The following TUBA4B variants were observed in gnomAD, a reference collection of about 807,000 sequenced individuals.
TUBA4B encodes the protein tubulin alpha 4b.
In TUBA4B, 13 loss-of-function variants were observed where a neutral mutation model predicts 18.4. The observed-to-expected ratio is 0.71, with a 90% CI of 0.46 to 1.12. The LOEUF (loss-of-function observed/expected upper bound fraction) is 1.12, where lower values mean the gene tolerates loss of function less well. Among genes scored for constraint, TUBA4B ranks in the 50% most tolerant of loss-of-function variants. The pLI, the probability that TUBA4B is intolerant of heterozygous loss-of-function variation, is 0.00. For synonymous variants in TUBA4B, 101 were observed against 99.1 expected (o/e 1.02, Z -0.11); for missense variants, 244 against 250.0 (o/e 0.98, Z 0.16).
Position 219,271,601 on chromosome 2 carries a change from C to T in TUBA4B, c.628C>T (p.Pro210Ser), listed in dbSNP as rs1951826780. 3 of 1,614,174 alleles carry T rather than the reference C, an allele frequency of 1.9e-6. No individual in the cohort carries two copies. The highest frequency in any genetic ancestry group is 2.5e-6 in the Non-Finnish European group (3 of 1,180,006). ...SYLTSTSPWP[P>S]MHQSSLQKRY... ...CCTCACATCCACTTCCCCCTGGCCA[C>T]CTATGCACCAGTCATCTCTGCAGAA... Residue 210 changes from proline (P) to serine (S), a missense_variant, in exon 4 of 4, where the codon CCT (proline) becomes TCT (serine). Transcript: ENST00000490341.
chr2:219,256,207 C>T (rs377733388), intron 1 of TUBA4B, among the ~76,000 whole-genome samples: 3 of 152,130 alleles, frequency 2.0e-5, no homozygotes, highest in Non-Finnish European at 2.9e-5. Context: ...TTTGTAAAAC[C>T]GGGATAACAA....
intron 1 of TUBA4B, among the ~76,000 whole-genome samples, chr2:219,260,374 T>G (rs1463038389): frequency 6.6e-6 from 1 of 152,198 alleles, no homozygotes; most frequent in Non-Finnish European, 1.5e-5. Flanking sequence ...AATTTTGGAA[T>G]TATTTTAAAA....
At chr2:219,257,112 C>T (rs1432659253) in intron 1 of TUBA4B, among the ~76,000 whole-genome samples, 3 of 144,186 alleles carry the variant, frequency 2.1e-5, no homozygotes, top group South Asian at 4.5e-4. Context: ...GGCGCGATCT[C>T]GGCTCACTGC....
At chr2:219,265,249 T>G (rs1432721926) in intron 1 of TUBA4B, among the ~76,000 whole-genome samples, 1 of 152,224 alleles carries the variant, frequency 6.6e-6, no homozygotes, top group Non-Finnish European at 1.5e-5. Context: ...GGATTTCAAT[T>G]TCCTTTCCTT....
intron 2 of TUBA4B, 60 bp from the exon 3 acceptor site, chr2:219,270,142 C>T (rs775551066): frequency 1.5e-6 from 1 of 688,002 alleles, no homozygotes; most frequent in Non-Finnish European, 2.7e-6. Flanking sequence ...GCTCCAGCAG[C>T]TGGATTGCAA....
intron 1 of TUBA4B, 101 bp from the exon 2 acceptor site, chr2:219,266,420 A>G: frequency 1.6e-6 from 1 of 633,594 alleles, no homozygotes; most frequent in Admixed American, 2.5e-5. Flanking sequence ...GGCCGTTTCT[A>G]ACAACATCCA....
rs187344604 is a variant in TUBA4B, at chr2:219,264,802, C to T, written c.13-1719C>T. 3.0e-3 allele frequency among the ~76,000 whole-genome samples: 462 copies of T among 152,270 alleles called. 1 individual carries two copies. Among genetic ancestry groups the T allele is most frequent in the Non-Finnish European group, 4.8e-3 (327 of 68,024 alleles). ...TTTAATATTTTCAGACTGTGGTTGG[C>T]TGCAGGCAACTGAAACTGCAGAAAG... On this transcript the variant is annotated intron_variant, in intron 1 of 3. Coordinates refer to ENST00000490341, the MANE Select transcript of TUBA4B (RefSeq NM_001355221.1).
intron 1 of TUBA4B, among the ~76,000 whole-genome samples, chr2:219,260,004 C>T (rs987664181): frequency 6.6e-6 from 1 of 152,236 alleles, no homozygotes; most frequent in Admixed American, 6.5e-5. Context: ...CCACACATCT[C>T]CATCTTCATC....
At chr2:219,256,152 AGG>A (rs1951718193) in intron 1 of TUBA4B, among the ~76,000 whole-genome samples, 1 of 152,232 alleles carries the variant, frequency 6.6e-6, no homozygotes, top group South Asian at 2.1e-4. Context: ...GAGCTATCTT[AGG>A]AAAAACTCTA....
intron 1 of TUBA4B, among the ~76,000 whole-genome samples, chr2:219,262,134 A>C (rs1559280415): frequency 1.3e-5 from 2 of 152,032 alleles, no homozygotes; most frequent in Admixed American, 6.6e-5. Flanking sequence ...ACATGGTGAA[A>C]CCCCATCTCT....
At chr2:219,257,635 C>A (rs1171958070) in intron 1 of TUBA4B, among the ~76,000 whole-genome samples, 1 of 82,490 alleles carries the variant, frequency 1.2e-5, no homozygotes, top group South Asian at 5.3e-4. Flanking sequence ...GTGAGAGACA[C>A]TGTCTCAAAA....
chr2:219,263,740 C>A (rs1301722706), intron 1 of TUBA4B, among the ~76,000 whole-genome samples: 2 of 152,182 alleles, frequency 1.3e-5, no homozygotes, highest in Admixed American at 1.3e-4. Context: ...CTTCTTTGGG[C>A]CTCTTTGTTC....
chr2:219,255,421 C>T lies in TUBA4B; in HGVS notation c.12+2002C>T, dbSNP rs372244876. On this transcript the variant is annotated intron_variant, in intron 1 of 3. Coordinates refer to ENST00000490341, the MANE Select transcript of TUBA4B (RefSeq NM_001355221.1). ...ATGATTTTTGTATTTTTAGTAGAGACGGGGTTTCACCATGTTGGTCAGGCT... is the reference window on the plus strand; with the variant it reads ...ATGATTTTTGTATTTTTAGTAGAGATGGGGTTTCACCATGTTGGTCAGGCT... Among the ~76,000 whole-genome samples the T allele has an allele frequency of 1.8e-4, 27 of 152,136 alleles. No individual in the cohort carries two copies. In the South Asian group the frequency reaches 5.6e-3, roughly 31 times the overall value.
chr2:219,262,631 C>T (rs12475057), intron 1 of TUBA4B, among the ~76,000 whole-genome samples: 10,742 of 152,200 alleles, frequency 0.071, 940 homozygotes, highest in African/African-American at 0.2. Context: ...CCTCAGCCTC[C>T]CAAGTAGCTG....
chr2:219,256,437 G>C (rs1163509139), intron 1 of TUBA4B, among the ~76,000 whole-genome samples: 1 of 152,204 alleles, frequency 6.6e-6, no homozygotes, highest in South Asian at 2.1e-4. Context: ...TAGCACACCT[G>C]GTAAGCATTT....
At chr2:219,257,273 C>T (rs575050419) in intron 1 of TUBA4B, among the ~76,000 whole-genome samples, 1 of 150,542 alleles carries the variant, frequency 6.6e-6, no homozygotes, top group South Asian at 2.1e-4. Flanking sequence ...GATCTCCTGA[C>T]CTCGTGATCC....
chr2:219,264,013 A>G (rs1001221202), intron 1 of TUBA4B, among the ~76,000 whole-genome samples: 1 of 152,248 alleles, frequency 6.6e-6, no homozygotes, highest in Non-Finnish European at 1.5e-5. Context: ...ACTGAACTGT[A>G]CAACAGTCCC....
chr2:219,257,349 T>C (rs2125073703), intron 1 of TUBA4B, among the ~76,000 whole-genome samples: 1 of 147,532 alleles, frequency 6.8e-6, no homozygotes, highest in Admixed American at 6.7e-5. Context: ...CCTTTTTTTT[T>C]TTTTTTTTTT....
intron 2 of TUBA4B, among the ~76,000 whole-genome samples, chr2:219,269,748 C>G (rs1432417683): frequency 3.3e-5 from 1 of 30,564 alleles, no homozygotes; most frequent in Non-Finnish European, 8.7e-5. Context: ...ACAAGACCAT[C>G]AGGGGAGGGG....
Sources: allele counts gnomAD v4.1 joint callset (sites outside exome capture counted in the v4.1 genomes callset), GRCh38; gene constraint gnomAD v4.1.1; transcripts MANE v1.5; gene names NCBI Gene and HGNC (gene_info 2026-07-23, HGNC 2026-07-21).